The following LMLN variants were observed in gnomAD, a reference collection of about 807,000 sequenced individuals.
The protein encoded by LMLN is leishmanolysin like peptidase, also known as leishmanolysin-like peptidase.
LMLN carries 70 observed loss-of-function variants against 92.3 expected under a neutral mutation model. That is an observed-to-expected ratio of 0.76 (90% CI 0.63 to 0.92). LMLN has a LOEUF of 0.92. Ranked by LOEUF, LMLN falls within the 40% of genes least tolerant of loss-of-function variation. The pLI is 0.00. For missense variants in LMLN, 691 were observed against 814.6 expected, an observed-to-expected ratio of 0.85 and a Z score of 1.85; for synonymous variants, 308 against 296.2, an observed-to-expected ratio of 1.04 and a Z score of -0.41.
At chr3:197,997,580 T>A (rs1280539137) in intron 10 of LMLN, among the ~76,000 whole-genome samples, 1 of 152,246 alleles carries the variant, frequency 6.6e-6, no homozygotes, top group Non-Finnish European at 1.5e-5. Flanking sequence ...GCAGAGCCGC[T>A]GGCTACACCG....
At chr3:198,006,316 C>T (rs191842605) in intron 11 of LMLN, among the ~76,000 whole-genome samples, 1 of 152,252 alleles carries the variant, frequency 6.6e-6, no homozygotes, top group East Asian at 1.9e-4. Context: ...TAAACATTCA[C>T]ACTTTGAAGG....
intron 11 of LMLN, among the ~76,000 whole-genome samples, chr3:198,010,316 G>A (rs1364655308): frequency 4.6e-5 from 7 of 151,890 alleles, no homozygotes; most frequent in Non-Finnish European, 5.9e-5. Context: ...ACCACACCCC[G>A]CTAATTTTGT....
intron 5 of LMLN, among the ~76,000 whole-genome samples, chr3:197,977,629 T>A (rs6605322): frequency 0.38 from 53,708 of 142,852 alleles, 12,994 homozygotes; most frequent in African/African-American, 0.71. Flanking sequence ...AAGCACACAC[T>A]TGTTAAATCT....
chr3:197,993,165 C>G (rs973364253), intron 9 of LMLN, among the ~76,000 whole-genome samples: 1 of 152,148 alleles, frequency 6.6e-6, no homozygotes, highest in Non-Finnish European at 1.5e-5. Flanking sequence ...GAGACACCCA[C>G]AACCAATCTT....
intron 11 of LMLN, among the ~76,000 whole-genome samples, chr3:198,018,403 A>G (rs1411271429): frequency 2.0e-5 from 3 of 152,210 alleles, no homozygotes; most frequent in Non-Finnish European, 4.4e-5. Flanking sequence ...GAAGCTCAGG[A>G]AAGTTAAGTA....
At chr3:197,972,873 T>C (rs565302874) in intron 1 of LMLN, among the ~76,000 whole-genome samples, 23 of 152,210 alleles carry the variant, frequency 1.5e-4, no homozygotes, top group Non-Finnish European at 2.9e-4. Context: ...GGGTTTCATA[T>C]GCAGATTTTG....
chr3:198,029,805 A>G (rs1423903022), intron 14 of LMLN, among the ~76,000 whole-genome samples: 1 of 152,102 alleles, frequency 6.6e-6, no homozygotes, highest in Non-Finnish European at 1.5e-5. Context: ...TGGAGGAGTC[A>G]GGGGAGACTT....
exon 16 of LMLN, chr3:198,041,338 C>T (rs151234205): frequency 6.6e-6 from 1 of 152,318 alleles, no homozygotes; most frequent in East Asian, 1.9e-4. Flanking sequence ...AAATCTGAAA[C>T]TTTCTGAATG....
chr3:197,966,493 G>A (rs942686761), intron 1 of LMLN, among the ~76,000 whole-genome samples: 1 of 151,434 alleles, frequency 6.6e-6, no homozygotes, highest in African/African-American at 2.4e-5. Flanking sequence ...TTTTTGGGTA[G>A]GTATGCTTTA....
At chr3:197,986,778 T>A (rs1306973853) in intron 8 of LMLN, among the ~76,000 whole-genome samples, 5 of 152,084 alleles carry the variant, frequency 3.3e-5, no homozygotes, top group Middle Eastern at 3.2e-3. Flanking sequence ...CTAGGTGAGC[T>A]GGTTGATTAT....
chr3:197,963,543 G>T (rs1720967472), intron 1 of LMLN, among the ~76,000 whole-genome samples: 1 of 152,074 alleles, frequency 6.6e-6, no homozygotes, highest in East Asian at 1.9e-4. Context: ...ATTTTTTGAT[G>T]CCATTGTCAG....
exon 1 of LMLN, chr3:197,960,430 C>T (rs1281390394): frequency 1.2e-6 from 2 of 1,613,640 alleles, no homozygotes; most frequent in South Asian, 2.2e-5. Context: ...CACGTCCCCT[C>T]TGACACTGAG....
chr3:197,986,687 A>T (rs1161360127), intron 8 of LMLN, among the ~76,000 whole-genome samples: 1 of 152,186 alleles, frequency 6.6e-6, no homozygotes, highest in Non-Finnish European at 1.5e-5. Flanking sequence ...GAAAAACAGG[A>T]ATTAAAAACA....
At chr3:197,999,179 T>G in intron 10 of LMLN, 87 bp from the exon 11 acceptor site, 1 of 935,006 alleles carries the variant, frequency 1.1e-6, no homozygotes, top group South Asian at 1.4e-5. Context: ...AGTTGAAACA[T>G]TTTAAATATG....
intron 15 of LMLN, among the ~76,000 whole-genome samples, chr3:198,037,561 A>G (rs1266153772): frequency 1.3e-5 from 2 of 152,304 alleles, no homozygotes; most frequent in African/African-American, 2.4e-5. Context: ...GAGGCAGGAG[A>G]ATCACTTGAA....
chr3:197,972,702 AT>A (rs879501292), intron 1 of LMLN, among the ~76,000 whole-genome samples: 10,005 of 145,790 alleles, frequency 0.069, 370 homozygotes, highest in African/African-American at 0.1. Flanking sequence ...TCTCTGAATA[AT>A]TTTTTTTTTT....
chr3:198,002,965 G>A, intron 11 of LMLN, 50 bp from the exon 12 acceptor site: 1 of 1,054,436 alleles, frequency 9.5e-7, no homozygotes, highest in Non-Finnish European at 1.4e-6. Context: ...TGCTAGAGTT[G>A]TTTTTGAAAG....
intron 14 of LMLN, among the ~76,000 whole-genome samples, chr3:198,030,123 C>T (rs1257589930): frequency 1.3e-5 from 2 of 152,150 alleles, no homozygotes; most frequent in Non-Finnish European, 1.5e-5. Flanking sequence ...GGATTACAGG[C>T]GTGAGCCACT....
chr3:198,008,960 T>C (rs1186275995), intron 11 of LMLN, among the ~76,000 whole-genome samples: 2 of 152,212 alleles, frequency 1.3e-5, no homozygotes, highest in East Asian at 1.9e-4. Context: ...ATCTTTCTGT[T>C]ACTGATTTCT....
Sources: gnomAD v4.1 joint callset for allele counts (sites outside exome capture counted in the v4.1 genomes callset) on GRCh38, gnomAD v4.1.1 for gene constraint, MANE v1.5 for transcripts, NCBI Gene and HGNC (gene_info 2026-07-23, HGNC 2026-07-21) for gene names.